Variants in TTLL1 observed in about 807,000 individuals in gnomAD.
TTLL1 encodes TTL family tubulin polyglutamylase complex subunit L1.
A neutral mutation model predicts 47.8 loss-of-function variants in TTLL1; 33 were observed. That is an observed-to-expected ratio of 0.69 (90% CI 0.52 to 0.92). The LOEUF is 0.92. Among genes scored for constraint, TTLL1 ranks in the 40% least tolerant of loss-of-function variants. TTLL1 has a pLI of 0.00. For missense variants in TTLL1, 488 were observed against 547.5 expected (o/e 0.89, Z 1.08); for synonymous variants, 225 against 214.1 (o/e 1.05, Z -0.45).
At chr22:43,066,174 T>A (rs74368345) in intron 5 of TTLL1, among the ~76,000 whole-genome samples, 10 of 143,340 alleles carry the variant, frequency 7.0e-5, no homozygotes, top group Admixed American at 2.1e-4. Context: ...AAAAAAAAAT[T>A]AAAAAAAAAA....
At position 43,059,399 on chromosome 22, in the gene TTLL1, G is replaced by A. The variant is rs1927248931; in HGVS notation, c.876C>T (p.Ser292=). Residue 292 remains serine (S), a synonymous_variant, in exon 8 of 11, where the codon TCC becomes TCT. Transcript: ENST00000266254. The part of the protein sequence containing the change: ...FDEIHWIIVQ[S]LKAVAPVMNN... ...CCAAACTCACCGCCACAGCCTTCAG[G>A]GACTGCACGATGATCCAGTGGATCT... The A allele has an allele frequency of 1.9e-6, 3 of 1,613,210 alleles. No individual in the cohort carries two copies. The highest frequency in any genetic ancestry group is 2.7e-5 in the African/African-American group (2 of 74,862).
chr22:43,040,965 C>T (rs920088527), intron 10 of TTLL1, among the ~76,000 whole-genome samples: 1 of 152,120 alleles, frequency 6.6e-6, no homozygotes, highest in Non-Finnish European at 1.5e-5. Flanking sequence ...GGAGCATGGT[C>T]GTTGCTGCCT....
intron 5 of TTLL1, 51 bp downstream of exon 5, chr22:43,068,359 A>G: frequency 7.1e-7 from 1 of 1,408,788 alleles, no homozygotes; most frequent in Non-Finnish European, 9.4e-7. Context: ...GAACAGCATA[A>G]AACGGTGAAC....
chr22:43,072,152 T>TTC lies in TTLL1; in HGVS notation c.114-2310_114-2309dup, dbSNP rs1419488413. ...CTTCGCAACCATCTTTATTTTCTTT[T>TTC]TCTTTTTTTTTTTTTTTTTGAGACG... On this transcript the variant is annotated intron_variant, in intron 3 of 10. Transcript: ENST00000266254. 1.3e-4 allele frequency among the ~76,000 whole-genome samples: 19 copies of TTC among 146,800 alleles called. No homozygotes were observed. In the East Asian group the frequency reaches 3.8e-3, roughly 29 times the overall value.
intron 10 of TTLL1, among the ~76,000 whole-genome samples, chr22:43,045,024 G>T (rs1388910468): frequency 4.6e-5 from 7 of 151,980 alleles, no homozygotes. Context: ...TACCACACCC[G>T]GCTAATTTTT....
At chr22:43,048,971 G>A (rs1601658341) in intron 9 of TTLL1, among the ~76,000 whole-genome samples, 2 of 151,994 alleles carry the variant, frequency 1.3e-5, no homozygotes, top group Middle Eastern at 3.4e-3. Context: ...CAAAACACTA[G>A]GCTCTGCAAA....
At chr22:43,081,720 G>GT (rs1483032866) in intron 1 of TTLL1, among the ~76,000 whole-genome samples, 1 of 151,048 alleles carries the variant, frequency 6.6e-6, no homozygotes, top group African/African-American at 2.4e-5. Flanking sequence ...GCTAATTTTT[G>GT]TATTTTTACT....
chr22:43,055,768 C>T (rs764211313), intron 8 of TTLL1, among the ~76,000 whole-genome samples: 2 of 152,104 alleles, frequency 1.3e-5, no homozygotes, highest in Admixed American at 1.3e-4. Flanking sequence ...GCCACCACGC[C>T]CAGCCTCTTA....
intron 1 of TTLL1, among the ~76,000 whole-genome samples, chr22:43,087,984 C>A (rs1601713796): frequency 6.6e-6 from 1 of 151,788 alleles, no homozygotes; most frequent in African/African-American, 2.4e-5. Context: ...CCCATCTCTA[C>A]TAAAATTTAA....
At chr22:43,070,763 T>C (rs1018946905) in intron 3 of TTLL1, among the ~76,000 whole-genome samples, 1 of 152,160 alleles carries the variant, frequency 6.6e-6, no homozygotes, top group Admixed American at 6.6e-5. Context: ...CCCTCAGCAC[T>C]GGCATGTTCT....
At chr22:43,068,135 A>AC (rs975879451) in intron 5 of TTLL1, among the ~76,000 whole-genome samples, 1 of 148,534 alleles carries the variant, frequency 6.7e-6, no homozygotes, top group African/African-American at 2.5e-5. Flanking sequence ...TCTCTATTTA[A>AC]AAAAAAAAAA....
chr22:43,081,083 T>C (rs1372976892), intron 1 of TTLL1, among the ~76,000 whole-genome samples: 1 of 151,618 alleles, frequency 6.6e-6, no homozygotes, highest in African/African-American at 2.4e-5. Flanking sequence ...GCCTGGTTAA[T>C]TTTTGTATTT....
In TTLL1 at chr22:43,082,104, T is replaced by G. The variant is rs928227782; in HGVS notation, c.-89-2118A>C. Among the ~76,000 whole-genome samples, 287 of 151,008 alleles carry G rather than the reference T, an allele frequency of 1.9e-3. 1 individual carries two copies. The highest frequency in any genetic ancestry group is 6.8e-3 in the African/African-American group (278 of 41,080). On this transcript the variant is annotated intron_variant, in intron 1 of 10. Transcript: ENST00000266254. ...TGACCTCAAGTGATCCATCCCCTTC[T>G]GCCTCCCAAAGTGCTGGGATTACTG... is the stretch of plus-strand genomic sequence containing the variant.
chr22:43,070,867 T>C (rs779071497), intron 3 of TTLL1, among the ~76,000 whole-genome samples: 3 of 152,196 alleles, frequency 2.0e-5, no homozygotes, highest in African/African-American at 2.4e-5. Flanking sequence ...TGTGATATCC[T>C]ATTTTATATA....
intron 3 of TTLL1, among the ~76,000 whole-genome samples, chr22:43,071,836 C>T (rs1418836420): frequency 2.0e-5 from 3 of 152,158 alleles, no homozygotes; most frequent in Non-Finnish European, 2.9e-5. Context: ...GCTGGGGGTC[C>T]CAGAAGGCTT....
intron 1 of TTLL1, among the ~76,000 whole-genome samples, chr22:43,082,432 G>T (rs529790975): frequency 2.0e-5 from 3 of 152,278 alleles, no homozygotes; most frequent in African/African-American, 7.2e-5. Flanking sequence ...GGCCAGACAG[G>T]GCGTGGGGCG....
chr22:43,043,569 C>A (rs1390351415), intron 10 of TTLL1, among the ~76,000 whole-genome samples: 1 of 152,080 alleles, frequency 6.6e-6, no homozygotes, highest in East Asian at 1.9e-4. Flanking sequence ...TGACCCCATC[C>A]CCAGACTCAC....
chr22:43,069,478 C>A, intron 4 of TTLL1, 158 bp downstream of exon 4: 1 of 1,342,256 alleles, frequency 7.5e-7, no homozygotes, highest in Admixed American at 2.6e-5. Context: ...CCTCCTTCTC[C>A]CTCATTCTGG....
rs1928298954 is a variant in TTLL1, at chr22:43,073,848, G to A, written c.113+1626C>T. The stretch of plus-strand genomic sequence containing the variant: ...TTATTTATTTATTTTTTTTGAGACA[G>A]AGTCTCACTGTCACCCAGGTTGGAG... On this transcript the variant is annotated intron_variant, in intron 3 of 10. Coordinates refer to ENST00000266254, the MANE Select transcript of TTLL1 (RefSeq NM_012263.5). Among the ~76,000 whole-genome samples, 2 of 148,816 alleles carry A rather than the reference G, an allele frequency of 1.3e-5. 1 individual carries two copies. The highest frequency in any genetic ancestry group is 4.2e-4 in the South Asian group (2 of 4,718).
Sources: gnomAD v4.1 joint callset for allele counts (sites outside exome capture counted in the v4.1 genomes callset) on GRCh38, gnomAD v4.1.1 for gene constraint, MANE v1.5 for transcripts, NCBI Gene and HGNC (gene_info 2026-07-23, HGNC 2026-07-21) for gene names.